The following MARCHF3 variants were observed in gnomAD, a reference collection of about 807,000 sequenced individuals.
MARCHF3 encodes E3 ubiquitin-protein ligase MARCHF3.
A neutral mutation model predicts 24.2 loss-of-function variants in MARCHF3; 13 were observed. The observed-to-expected ratio is 0.54, with a 90% CI of 0.35 to 0.85. The LOEUF is 0.85. Ranked by LOEUF, MARCHF3 falls within the 40% of genes least tolerant of loss-of-function variation. The probability of loss-of-function intolerance (pLI) is 0.01; values close to 1 mark genes in which losing one functional copy is unlikely to be tolerated. For missense variants in MARCHF3, 276 were observed against 325.0 expected (o/e 0.85, Z 1.16); for synonymous variants, 144 against 137.3 (o/e 1.05, Z -0.34).
rs536171474 is a variant in MARCHF3, at chr5:126,896,841, T to C, written c.393+18089A>G. 2.0e-5 allele frequency among the ~76,000 whole-genome samples: 3 copies of C among 152,216 alleles called. No homozygotes were observed. In the East Asian group the frequency reaches 5.8e-4, roughly 29 times the overall value. ...GGTTAGGGGTATTTGACTTAGGTTA[T>C]AGGGCTTCAGAAAATCTGTGACCCC... On this transcript the variant is annotated intron_variant, in intron 3 of 4. Coordinates refer to ENST00000308660, the MANE Select transcript of MARCHF3 (RefSeq NM_178450.5).
intron 3 of MARCHF3, among the ~76,000 whole-genome samples, chr5:126,893,603 A>G (rs1409465415): frequency 1.3e-5 from 2 of 150,766 alleles, no homozygotes; most frequent in Admixed American, 1.3e-4. Flanking sequence ...AGCGGTTTTG[A>G]GTGAGATTCT....
At chr5:126,903,637 A>G (rs552188133) in intron 3 of MARCHF3, among the ~76,000 whole-genome samples, 4 of 150,380 alleles carry the variant, frequency 2.7e-5, no homozygotes, top group Admixed American at 6.6e-5. Context: ...TCGTGTGTGT[A>G]TATATATATA....
chr5:126,963,899 A>G (rs556351471), intron 1 of MARCHF3, among the ~76,000 whole-genome samples: 46 of 152,288 alleles, frequency 3.0e-4, no homozygotes, highest in Admixed American at 1.2e-3. Context: ...AACCCACCTA[A>G]GGGGAAGCAT....
intron 3 of MARCHF3, among the ~76,000 whole-genome samples, chr5:126,882,745 G>A (rs866378620): frequency 1.4e-4 from 21 of 152,172 alleles, no homozygotes; most frequent in African/African-American, 4.8e-4. Context: ...CTAAATGAAT[G>A]AGAATAGCTT....
intron 3 of MARCHF3, among the ~76,000 whole-genome samples, chr5:126,895,285 C>A (rs1407819674): frequency 6.6e-6 from 1 of 152,112 alleles, no homozygotes; most frequent in African/African-American, 2.4e-5. Context: ...GTAATTTGAT[C>A]GTCTGAAGCC....
intron 1 of MARCHF3, among the ~76,000 whole-genome samples, chr5:126,949,760 A>C (rs894160087): frequency 2.6e-5 from 4 of 152,206 alleles, no homozygotes; most frequent in Non-Finnish European, 5.9e-5. Context: ...TGTTCTCACA[A>C]AGGTAGGCTG....
At chr5:126,929,536 G>A (rs886726722) in intron 1 of MARCHF3, among the ~76,000 whole-genome samples, 1 of 152,092 alleles carries the variant, frequency 6.6e-6, no homozygotes, top group Admixed American at 6.6e-5. Flanking sequence ...GAATTCTTTT[G>A]GAACAAAGAA....
chr5:126,879,835 G>A (rs1753287626), intron 3 of MARCHF3, among the ~76,000 whole-genome samples: 1 of 152,186 alleles, frequency 6.6e-6, no homozygotes, highest in Non-Finnish European at 1.5e-5. Flanking sequence ...GGTGAGGAGA[G>A]ACACTGGTAC....
At chr5:126,923,177 A>C (rs1385282721) in intron 1 of MARCHF3, among the ~76,000 whole-genome samples, 2 of 152,220 alleles carry the variant, frequency 1.3e-5, no homozygotes, top group African/African-American at 2.4e-5. Context: ...AAGAAAAACA[A>C]AGATATATGA....
chr5:126,971,066 C>A (rs1580694300), intron 1 of MARCHF3, among the ~76,000 whole-genome samples: 1 of 152,086 alleles, frequency 6.6e-6, no homozygotes, highest in East Asian at 1.9e-4. Context: ...ACAGTCTGGC[C>A]ATAAGAAGAA....
chr5:126,959,213 T>A (rs1180845310), intron 1 of MARCHF3, among the ~76,000 whole-genome samples: 1 of 152,132 alleles, frequency 6.6e-6, no homozygotes, highest in South Asian at 2.1e-4. Context: ...ACATCAACAG[T>A]GATAGGGCAT....
At chr5:126,906,572 CA>C (rs1037510848) in intron 3 of MARCHF3, among the ~76,000 whole-genome samples, 2 of 152,192 alleles carry the variant, frequency 1.3e-5, no homozygotes, top group Non-Finnish European at 2.9e-5. Flanking sequence ...AGGAATTTAT[CA>C]ATTTCTTCTA....
At position 126,868,649 on chromosome 5, in the gene MARCHF3, C is replaced by G. The variant is rs1055942968; in HGVS notation, c.*1984G>C. 1 of 152,134 alleles carries G rather than the reference C, an allele frequency of 6.6e-6. No individual in the cohort carries two copies. The highest frequency in any genetic ancestry group is 1.5e-5 in the Non-Finnish European group (1 of 68,032). 9.4% of individuals were successfully genotyped at this position (152,134 alleles called of 1,614,324 possible). A position where few individuals can be genotyped will look rare whatever the true frequency, so the allele number is the denominator to read the frequency against. ...CTGCTTCCTTAATTCATGCAAGAAA[C>G]AGGGAGAAGGGGTATGGTCCTCTCA... On this transcript the variant is annotated 3_prime_UTR_variant, in exon 5 of 5. Coordinates refer to ENST00000308660, the MANE Select transcript of MARCHF3 (RefSeq NM_178450.5).
chr5:126,874,100 T>G (rs1436614495), intron 4 of MARCHF3, among the ~76,000 whole-genome samples: 1 of 152,254 alleles, frequency 6.6e-6, no homozygotes, highest in African/African-American at 2.4e-5. Flanking sequence ...GCCACTATTA[T>G]AAAAATACTG....
chr5:126,925,486 A>T lies in MARCHF3; in HGVS notation c.-56-7259T>A, dbSNP rs1749261836. ...GAAGGCAAATCAAGTAACAATTATCATATTTAGACATATTTTTCCCTCAAG... is the reference window on the plus strand; with the variant it reads ...GAAGGCAAATCAAGTAACAATTATCTTATTTAGACATATTTTTCCCTCAAG... On this transcript the variant is annotated intron_variant, in intron 1 of 4. Coordinates refer to ENST00000308660, the MANE Select transcript of MARCHF3 (RefSeq NM_178450.5). Among the ~76,000 whole-genome samples the T allele has an allele frequency of 2.6e-5, 4 of 152,180 alleles. 1 individual carries two copies. In the South Asian group the frequency reaches 8.3e-4, roughly 32 times the overall value.
chr5:126,991,635 C>T (rs1363592207), intron 1 of MARCHF3, among the ~76,000 whole-genome samples: 2 of 151,914 alleles, frequency 1.3e-5, no homozygotes, highest in Non-Finnish European at 1.5e-5. Context: ...GCAGGAGAAT[C>T]GCTTGAACCC....
chr5:126,972,506 G>T (rs1002907050), intron 1 of MARCHF3, among the ~76,000 whole-genome samples: 2 of 152,166 alleles, frequency 1.3e-5, no homozygotes, highest in Non-Finnish European at 2.9e-5. Context: ...AACAAGATAT[G>T]ATCTTTCTCT....
chr5:126,992,192 A>G (rs1207171800), intron 1 of MARCHF3, among the ~76,000 whole-genome samples: 2 of 152,192 alleles, frequency 1.3e-5, no homozygotes, highest in Non-Finnish European at 1.5e-5. Flanking sequence ...CCTGCAGACA[A>G]ATCTGTAGCT....
intron 1 of MARCHF3, among the ~76,000 whole-genome samples, chr5:127,006,983 ACTT>A (rs1489823619): frequency 1.3e-5 from 2 of 150,896 alleles, no homozygotes; most frequent in East Asian, 1.9e-4. Context: ...AGAGAAAACT[ACTT>A]CTTTTTTTTT....
Sources: allele counts gnomAD v4.1 joint callset (sites outside exome capture counted in the v4.1 genomes callset), GRCh38; gene constraint gnomAD v4.1.1; transcripts MANE v1.5; gene names NCBI Gene and HGNC (gene_info 2026-07-23, HGNC 2026-07-21).